The following ISYNA1 variants were observed in gnomAD, a reference collection of about 807,000 sequenced individuals.
The protein encoded by ISYNA1 is inositol-3-phosphate synthase 1.
Under a neutral mutation model 50.3 loss-of-function variants are expected in ISYNA1, and 34 were observed. The ratio of observed to expected loss-of-function variants is 0.68; its 90% CI spans 0.51 to 0.90. The LOEUF is 0.90. Among genes scored for constraint, ISYNA1 ranks in the 40% least tolerant of loss-of-function variants. ISYNA1 has a pLI of 0.00. For synonymous variants in ISYNA1, 396 were observed against 349.9 expected (o/e 1.13, Z -1.47); for missense variants, 718 against 784.8 (o/e 0.91, Z 1.02).
At position 18,437,015 on chromosome 19, in the gene ISYNA1, C is replaced by A. The variant is rs1974084538; in HGVS notation, c.373G>T (p.Ala125Ser). ...TTGGGCGCCACCATGGGCAGCACCG[C>A]GCTGAAGGGTACGAACACCTCCTGG... ...EGQEVFVPFS[A>S]VLPMVAPNDL... The change falls in exon 4 of 11, where the codon GCG (alanine) becomes TCG (serine). Residue 125 changes from alanine (A) to serine (S), a missense_variant. By Grantham distance (99) the Ala-to-Ser change is moderately conservative. This residue lies in a region of ISYNA1 where 403 missense variants were observed against 466.6 expected (regional missense o/e 0.86). Coordinates refer to ENST00000338128, the MANE Select transcript of ISYNA1 (RefSeq NM_016368.5). 2 of 1,611,256 alleles carry A rather than the reference C, an allele frequency of 1.2e-6. No individual in the cohort carries two copies. Among genetic ancestry groups the A allele is most frequent in the Non-Finnish European group, 1.7e-6 (2 of 1,179,642 alleles).
chr19:18,437,545 C>G, intron 3 of ISYNA1, 54 bp downstream of exon 3: 1 of 1,328,874 alleles, frequency 7.5e-7, no homozygotes, highest in South Asian at 1.6e-5. Flanking sequence ...CCCGCCCCCG[C>G]CCGCAAGGAC....
Position 18,437,875 on chromosome 19 carries a change from C to G in ISYNA1, c.105G>C (p.Glu35Asp). 6.2e-7 allele frequency: 1 copy of G among 1,611,984 alleles called. No homozygotes were observed. The highest frequency in any genetic ancestry group is 1.1e-5 in the South Asian group (1 of 91,064). The change falls in exon 2 of 11, where the codon GAG (glutamate) becomes GAC (aspartate). Residue 35 changes from glutamate (E) to aspartate (D), a missense_variant. Physicochemically the swap from Glu to Asp is conservative, Grantham distance 45. This residue lies in a region of ISYNA1 where 403 missense variants were observed against 466.6 expected (regional missense o/e 0.86). Transcript: ENST00000338128. Reference sequence around the variant, plus strand: ...CCTGGTCCACCTTGAGAACGCCACCCTCGCGGCTGACGCGCGTCGTCCGGT... The same window carrying G: ...CCTGGTCCACCTTGAGAACGCCACCGTCGCGGCTGACGCGCGTCGTCCGGT... ...YEYRTTRVSR[E>D]GGVLKVHPTS...
chr19:18,438,050 CTGGG>C (rs1360968506), intron 1 of ISYNA1, 39 bp downstream of exon 1: 62 of 1,468,412 alleles, frequency 4.2e-5, no homozygotes, highest in Non-Finnish European at 5.2e-5. Context: ...CCAAGCCAGC[CTGGG>C]TCCCCACGGA....
intron 5 of ISYNA1, 81 bp from the exon 6 acceptor site, chr19:18,436,560 G>A (rs991552615): frequency 6.3e-7 from 1 of 1,596,916 alleles, no homozygotes. Context: ...GACTCACAGA[G>A]GCCTGGGCTA....
rs540468469 is a variant in ISYNA1 at position 18,436,665 on chromosome 19, A to T, written c.609+19T>A. 2.5e-6 allele frequency: 4 copies of T among 1,580,034 alleles called. No individual in the cohort carries two copies. In the Admixed American group the frequency reaches 7.6e-5, roughly 30 times the overall value. On this transcript the variant is annotated intron_variant, in intron 5 of 10. Transcript: ENST00000338128. ...AAGAACAGGTGGCAGGAAGCAAGGG[A>T]TGCGGGATGGGACAGCACCTGCTGC...
chr19:18,436,121 G>T lies in ISYNA1; in HGVS notation c.886C>A (p.Arg296=), dbSNP rs1359874214. ...AAGTCATCTCCGCCCACAAAAACCC[G>T]GTGCTGCCACGCGAGCTCAAGAGCT... ...PGALELAWQH[R]VFVGGDDFKS... is the part of the protein sequence containing the mutation. The change falls in exon 7 of 11, where the codon CGG becomes AGG. Residue 296 remains arginine, a synonymous_variant. Transcript: ENST00000338128. 2 of 1,612,780 alleles carry T rather than the reference G, an allele frequency of 1.2e-6. No homozygotes were observed. The highest frequency in any genetic ancestry group is 1.1e-5 in the South Asian group (1 of 91,062).
chr19:18,436,573 C>T (rs1974056666), intron 5 of ISYNA1, 94 bp from the exon 6 acceptor site: 1 of 1,597,368 alleles, frequency 6.3e-7, no homozygotes, highest in Admixed American at 1.7e-5. Flanking sequence ...CTGGGCTACT[C>T]AGTTCCCCGG....
At position 18,434,769 on chromosome 19, in the gene ISYNA1, A is replaced by G; in HGVS notation, c.*144T>C. On this transcript the variant is annotated 3_prime_UTR_variant, in exon 11 of 11. Transcript: ENST00000338128. The stretch of plus-strand genomic sequence containing the variant: ...GGGCGCTCAAGAGTCGGGGAAGTAG[A>G]GGGAGGCAGAGTCAGGTCACAGGCC... The G allele has an allele frequency of 2.9e-6, 2 of 687,416 alleles. No homozygotes were observed. Among genetic ancestry groups the G allele is most frequent in the Non-Finnish European group, 5.0e-6 (2 of 398,466 alleles). 42.6% of individuals were successfully genotyped at this position (687,416 alleles called of 1,614,324 possible).
At chr19:18,435,229 CTG>C (rs1319063722) in intron 10 of ISYNA1, 35 bp downstream of exon 10, 3 of 1,598,396 alleles carry the variant, frequency 1.9e-6, no homozygotes, top group African/African-American at 2.7e-5. Flanking sequence ...AGGGGGGTAT[CTG>C]GGCCCCGGGC....
chr19:18,435,221 G>T (rs761597787), intron 10 of ISYNA1, 45 bp downstream of exon 10: 1 of 1,494,460 alleles, frequency 6.7e-7, no homozygotes, highest in African/African-American at 2.8e-5. Context: ...GCTTAGCCAG[G>T]GGGGTATCTG....
At chr19:18,435,190 GC>G (rs1440555780) in intron 10 of ISYNA1, 73 bp from the exon 11 acceptor site, 3 of 1,593,830 alleles carry the variant, frequency 1.9e-6, no homozygotes, top group Non-Finnish European at 2.6e-6. Flanking sequence ...GCCACCTACA[GC>G]CCCCCAAGCC....
intron 7 of ISYNA1, 36 bp from the exon 8 acceptor site, chr19:18,435,957 C>T (rs376038376): frequency 9.5e-5 from 154 of 1,613,016 alleles, no homozygotes; most frequent in Non-Finnish European, 1.2e-4. Flanking sequence ...AGCTGCAGGC[C>T]CTGCGGCCCC....
At chr19:18,435,705 C>T (rs760734355) in intron 8 of ISYNA1, 29 bp from the exon 9 acceptor site, 39 of 1,611,078 alleles carry the variant, frequency 2.4e-5, no homozygotes, top group Non-Finnish European at 3.3e-5. Flanking sequence ...TTGCCCGGGT[C>T]CCTGCCACCC....
intron 5 of ISYNA1, 73 bp from the exon 6 acceptor site, chr19:18,436,552 C>T: frequency 1.3e-6 from 2 of 1,597,930 alleles, no homozygotes; most frequent in South Asian, 2.2e-5. Flanking sequence ...TACTCTCGGA[C>T]TCACAGAGGC....
chr19:18,437,984 G>A lies in ISYNA1; in HGVS notation c.-5C>T. ...GAACTGGGCGGCGGCCTCCATCGCG[G>A]CGGGCTGGGGGCCCGGGGTGAGCAG... On this transcript the variant is annotated 5_prime_UTR_variant, in exon 2 of 11. Coordinates refer to ENST00000338128, the MANE Select transcript of ISYNA1 (RefSeq NM_016368.5). 1.9e-6 allele frequency: 3 copies of A among 1,563,612 alleles called. No individual in the cohort carries two copies. The highest frequency in any genetic ancestry group is 1.9e-5 in the Admixed American group (1 of 53,154).
rs770008089 is a variant in ISYNA1 at position 18,437,073 on chromosome 19, C to T, written c.315G>A (p.Ala105=). The T allele has an allele frequency of 6.3e-7, 1 of 1,581,010 alleles. No individual in the cohort carries two copies. Among genetic ancestry groups the T allele is most frequent in the South Asian group, 1.1e-5 (1 of 87,152 alleles). ...CGTCCAGGCCCAGGCTCACGGTGCC[C>T]GCCTGAGTCAGCGAGCCGTAGTAGT... ...EANYYGSLTQ[A]GTVSLGLDAE... The change falls in exon 4 of 11, where the codon GCG becomes GCA. Residue 105 remains alanine (A), a synonymous_variant. Transcript: ENST00000338128.
Position 18,436,115 on chromosome 19 carries a change from A to G in ISYNA1, c.892T>C (p.Phe298Leu). The G allele has an allele frequency of 2.5e-6, 4 of 1,612,994 alleles. No homozygotes were observed. The highest frequency in any genetic ancestry group is 3.4e-6 in the Non-Finnish European group (4 of 1,179,916). ...ALELAWQHRV[F>L]VGGDDFKSGQ... ...GACTTGAAGTCATCTCCGCCCACAA[A>G]AACCCGGTGCTGCCACGCGAGCTCA... Residue 298 changes from phenylalanine to leucine, a missense_variant, in exon 7 of 11, where the codon TTT (phenylalanine) becomes CTT (leucine). Phe to Leu is a conservative substitution (Grantham distance 22). Around this residue, in one of 3 missense-constraint regions of ISYNA1, gnomAD observed 403 missense variants for 466.6 expected, o/e 0.86. Coordinates refer to ENST00000338128, the MANE Select transcript of ISYNA1 (RefSeq NM_016368.5).
rs1974122091 is a variant in ISYNA1 at position 18,437,740 on chromosome 19, G to C, written c.141C>G (p.Arg47=). 2 of 1,572,378 alleles carry C rather than the reference G, an allele frequency of 1.3e-6. No individual in the cohort carries two copies. The highest frequency in any genetic ancestry group is 1.7e-6 in the Non-Finnish European group (2 of 1,162,216). The part of the protein sequence containing the change: ...GVLKVHPTST[R]FTFRTARQVP... ...CCTGCCGGGCGGTCCGGAAGGTGAA[G>C]CGCGTGGACGTGGGGTGCACCTGAA... Residue 47 remains arginine, a synonymous_variant, in exon 3 of 11, where the codon CGC becomes CGG. Coordinates refer to ENST00000338128, the MANE Select transcript of ISYNA1 (RefSeq NM_016368.5).
rs779182644 is a variant in ISYNA1, at chr19:18,437,836, T to G, written c.120+24A>C. The G allele has an allele frequency of 9.3e-6, 15 of 1,610,314 alleles. No individual in the cohort carries two copies. In the East Asian group the frequency reaches 1.3e-4, roughly 14 times the overall value. On this transcript the variant is annotated intron_variant, in intron 2 of 10. Transcript: ENST00000338128. Reference sequence around the variant, plus strand: ...GCCGCCCCGCTCTCCCCAGCACGCCTCCTTCCTCAGCCCCCTGGTCCACCT... The same window carrying G: ...GCCGCCCCGCTCTCCCCAGCACGCCGCCTTCCTCAGCCCCCTGGTCCACCT...
Sources: gnomAD v4.1 joint callset for allele counts on GRCh38, gnomAD v4.1.1 for gene constraint, gnomAD v4.1.1 regional missense constraint, MANE v1.5 for transcripts, NCBI Gene and HGNC (gene_info 2026-07-23, HGNC 2026-07-21) for gene names.